MED13: variants seen among roughly 807,000 people sequenced by gnomAD.
MED13 encodes mediator of RNA polymerase II transcription subunit 13.
MED13 carries 23 observed loss-of-function variants against 225.2 expected under a neutral mutation model. That is an observed-to-expected ratio of 0.10 (90% CI 0.07 to 0.14). MED13 has a LOEUF of 0.14. Ranked by LOEUF, MED13 falls within the 10% of genes least tolerant of loss-of-function variation. The probability of loss-of-function intolerance (pLI) is 1.00; values close to 1 mark genes in which losing one functional copy is unlikely to be tolerated. For synonymous variants in MED13, 942 were observed against 889.2 expected (o/e 1.06, Z -1.06); for missense variants, 2,197 against 2,594.5 (o/e 0.85, Z 3.33).
At chr17:62,005,910 A>T (rs764159330) in intron 9 of MED13, 8 of 152,140 alleles carry the variant, frequency 5.3e-5, no homozygotes, top group Non-Finnish European at 1.0e-4. Context: ...GCAGACACTT[A>T]ATCGGCATAG....
At chr17:62,029,309 G>A in intron 8 of MED13, 1 of 521,262 alleles carries the variant, frequency 1.9e-6, no homozygotes, top group South Asian at 3.1e-5. Context: ...TAGCTACTAG[G>A]AAACAAAACT....
intron 3 of MED13, among the ~76,000 whole-genome samples, chr17:62,044,614 C>A (rs983113264): frequency 6.6e-6 from 1 of 152,172 alleles, no homozygotes; most frequent in Admixed American, 6.5e-5. Context: ...TATATGTATA[C>A]ACATAATGTA....
Position 61,989,043 on chromosome 17 carries a change from G to A in MED13, c.2264-1915C>T, listed in dbSNP as rs1482641962. Among the ~76,000 whole-genome samples, 14 of 144,266 alleles carry A rather than the reference G, an allele frequency of 9.7e-5. No individual in the cohort carries two copies. The South Asian group carries it at 2.6e-3, about 27-fold the overall frequency. 94.6% of individuals were successfully genotyped at this position (144,266 alleles called of 152,430 possible). On this transcript the variant is annotated intron_variant, in intron 11 of 29. Coordinates refer to ENST00000397786, the MANE Select transcript of MED13 (RefSeq NM_005121.3). ...TTTTTTTTTTTTGAGACAGAGTCTC[G>A]CTCTGTCGCCCAGGCTGGAGTGCAG... is the stretch of plus-strand genomic sequence containing the variant.
chr17:61,969,910 T>G (rs535130241), intron 17 of MED13, among the ~76,000 whole-genome samples: 1 of 151,966 alleles, frequency 6.6e-6, no homozygotes, highest in Non-Finnish European at 1.5e-5. Flanking sequence ...TGAGTGTTCT[T>G]ACCATAATAA....
At chr17:61,980,547 C>T (rs776664033) in intron 16 of MED13, among the ~76,000 whole-genome samples, 84 of 152,124 alleles carry the variant, frequency 5.5e-4, no homozygotes, top group Non-Finnish European at 7.2e-4. Flanking sequence ...TTATTGATGC[C>T]TCATCTTTCC....
intron 8 of MED13, chr17:62,029,311 A>C: frequency 3.8e-6 from 2 of 526,948 alleles, no homozygotes; most frequent in African/African-American, 1.9e-5. Context: ...GCTACTAGGA[A>C]ACAAAACTTT....
intron 9 of MED13, among the ~76,000 whole-genome samples, chr17:62,008,948 G>A (rs1193411635): frequency 1.3e-5 from 2 of 151,920 alleles, no homozygotes; most frequent in Admixed American, 6.6e-5. Flanking sequence ...AACATAAATC[G>A]ATAATGAAAA....
At chr17:61,956,690 C>T (rs1429062806) in intron 23 of MED13, among the ~76,000 whole-genome samples, 1 of 151,940 alleles carries the variant, frequency 6.6e-6, no homozygotes, top group East Asian at 1.9e-4. Flanking sequence ...CAGGTGTGTG[C>T]CAACACACCC....
At position 62,035,566 on chromosome 17, in the gene MED13, G is replaced by A; in HGVS notation, c.513C>T (p.Asp171=). 1 of 1,613,654 alleles carries A rather than the reference G, an allele frequency of 6.2e-7. No individual in the cohort carries two copies. The highest frequency in any genetic ancestry group is 8.5e-7 in the Non-Finnish European group (1 of 1,179,788). Residue 171 remains aspartate (D), a synonymous_variant, in exon 4 of 30, where the codon GAC becomes GAT. Transcript: ENST00000397786. ...TTTCCACACTGGTACAAACATTGCT[G>A]TCTCCATGCAAGAAAAAGGTGAAGG... The part of the protein sequence containing the change: ...SCSFTFFLHG[D]SNVCTSVEIN...
At chr17:61,966,162 C>A (rs2080056261) in intron 19 of MED13, among the ~76,000 whole-genome samples, 2 of 152,086 alleles carry the variant, frequency 1.3e-5, no homozygotes, top group African/African-American at 4.8e-5. Flanking sequence ...AACATCAGAC[C>A]CTACAGAGGC....
Position 62,063,052 on chromosome 17 carries a change from G to C in MED13, c.301+15C>G. 1 of 1,583,700 alleles carries C rather than the reference G, an allele frequency of 6.3e-7. No individual in the cohort carries two copies. The highest frequency in any genetic ancestry group is 8.7e-7 in the Non-Finnish European group (1 of 1,153,316). ...GTTGCTATATCATTAGTTAGAAATG[G>C]AAAGTTTCTTTCACCTGATAAGTCA... On this transcript the variant is annotated intron_variant, in intron 2 of 29. Coordinates refer to ENST00000397786, the MANE Select transcript of MED13 (RefSeq NM_005121.3).
chr17:62,015,944 A>ATT lies in MED13; in HGVS notation c.1284-4712_1284-4711insAA, dbSNP rs1567979851. Among the ~76,000 whole-genome samples the ATT allele has an allele frequency of 6.1e-3, 77 of 12,710 alleles. 6 individuals are homozygous for ATT. Among genetic ancestry groups the ATT allele is most frequent in the Non-Finnish European group, 8.4e-3 (55 of 6,510 alleles). The allele number at this position is 12,710 out of a possible 152,430, so 8.3% of individuals were successfully genotyped here. On this transcript the variant is annotated intron_variant, in intron 8 of 29. Coordinates refer to ENST00000397786, the MANE Select transcript of MED13 (RefSeq NM_005121.3). ...TATATATATATATATATATATATAT[A>ATT]TATATATATATTTTTTTTTTTTTTT...
Position 61,972,837 on chromosome 17 carries a change from T to C in MED13, c.3857A>G (p.Gln1286Arg). 1.2e-6 allele frequency: 2 copies of C among 1,613,964 alleles called. No homozygotes were observed. The highest frequency in any genetic ancestry group is 2.2e-5 in the East Asian group (1 of 44,864). Reference sequence around the variant, plus strand: ...CTGAATGGCATCCTGAAGAACTGGCTGAAGAGAGAGGAGCATTCGAAGTAT... The same window carrying C: ...CTGAATGGCATCCTGAAGAACTGGCCGAAGAGAGAGGAGCATTCGAAGTAT... The part of the protein sequence containing the change: ...QDILRMLLSL[Q>R]PVLQDAIQKK... Residue 1286 changes from glutamine to arginine, a missense_variant, in exon 17 of 30, where the codon CAG (glutamine) becomes CGG (arginine). Transcript: ENST00000397786.
chr17:61,993,008 G>A (rs922629772), intron 10 of MED13, among the ~76,000 whole-genome samples: 7 of 151,802 alleles, frequency 4.6e-5, no homozygotes, highest in Admixed American at 6.6e-5. Flanking sequence ...CTTGTGATCC[G>A]CCCACCTCAG....
chr17:61,970,059 A>C (rs534888841), intron 17 of MED13, among the ~76,000 whole-genome samples: 1 of 152,370 alleles, frequency 6.6e-6, no homozygotes, highest in Non-Finnish European at 1.5e-5. Context: ...TAATAATAGC[A>C]AACAATGATA....
intron 2 of MED13, among the ~76,000 whole-genome samples, chr17:62,062,604 A>ACACACACACACAC (rs1555646449): frequency 1.6e-3 from 91 of 56,950 alleles, no homozygotes; most frequent in African/African-American, 0.011. Context: ...CACACACCAC[A>ACACACACACACAC]CACACACACA....
intron 28 of MED13, among the ~76,000 whole-genome samples, chr17:61,949,146 G>A (rs2079875916): frequency 6.6e-6 from 1 of 151,616 alleles, no homozygotes; most frequent in Non-Finnish European, 1.5e-5. Context: ...AACAATATTA[G>A]CAGCAGTAAT....
chr17:61,974,594 A>T (rs531926636), intron 16 of MED13, among the ~76,000 whole-genome samples: 1 of 152,280 alleles, frequency 6.6e-6, no homozygotes, highest in Non-Finnish European at 1.5e-5. Context: ...GAGGATAATC[A>T]ATCAATAGAA....
chr17:61,969,452 G>A (rs1045266073), intron 17 of MED13, among the ~76,000 whole-genome samples: 1 of 151,950 alleles, frequency 6.6e-6, no homozygotes, highest in African/African-American at 2.4e-5. Context: ...GAGGTGGGAG[G>A]ATTACTTGAG....
Sources: allele counts gnomAD v4.1 joint callset (sites outside exome capture counted in the v4.1 genomes callset), GRCh38; gene constraint gnomAD v4.1.1; transcripts MANE v1.5; gene names NCBI Gene and HGNC (gene_info 2026-07-23, HGNC 2026-07-21).